The following NEXMIF variants were observed in gnomAD, a reference collection of about 807,000 sequenced individuals.
NEXMIF encodes the protein neurite extension and migration factor.
Under a neutral mutation model 62.1 loss-of-function variants are expected in NEXMIF, and 8 were observed. The observed-to-expected ratio is 0.13, with a 90% CI of 0.08 to 0.23. The LOEUF is 0.23. NEXMIF is among the 10% of genes least tolerant of loss of function. NEXMIF has a pLI of 1.00. For missense variants in NEXMIF, 976 were observed against 1,113.3 expected (o/e 0.88, Z 1.75); for synonymous variants, 404 against 416.6 (o/e 0.97, Z 0.37).
At chrX:74,790,923 C>T (rs1464159031) in intron 1 of NEXMIF, among the ~76,000 whole-genome samples, 1 of 110,342 alleles carries the variant, frequency 9.1e-6, no homozygotes, top group Admixed American at 9.7e-5. Context: ...CGTCTGCAAA[C>T]AGGGACAATT....
intron 1 of NEXMIF, among the ~76,000 whole-genome samples, chrX:74,892,242 A>C (rs1039192684): frequency 8.9e-6 from 1 of 112,391 alleles, no homozygotes; most frequent in African/African-American, 3.2e-5. Flanking sequence ...GATGGAAAGA[A>C]ATCAATTTCT....
At chrX:74,880,141 G>A (rs138449077) in intron 1 of NEXMIF, among the ~76,000 whole-genome samples, 48 of 112,078 alleles carry the variant, frequency 4.3e-4, no homozygotes, top group African/African-American at 1.5e-3. Flanking sequence ...TAGTTTTTAT[G>A]TAAGTCACTC....
intron 1 of NEXMIF, among the ~76,000 whole-genome samples, chrX:74,872,610 C>G (rs1019031843): frequency 9.2e-6 from 1 of 108,681 alleles, no homozygotes; most frequent in Admixed American, 9.9e-5. Context: ...TTATGTTTTA[C>G]TACAGTCACA....
intron 1 of NEXMIF, among the ~76,000 whole-genome samples, chrX:74,827,330 TC>T (rs1465736963): frequency 3.6e-5 from 4 of 111,983 alleles, no homozygotes; most frequent in Non-Finnish European, 5.6e-5. Flanking sequence ...GTACAGTCAG[TC>T]CTGATTTCCA....
chrX:74,893,582 G>T (rs772519608), intron 1 of NEXMIF, among the ~76,000 whole-genome samples: 2 of 112,247 alleles, frequency 1.8e-5, no homozygotes, highest in South Asian at 7.4e-4. Flanking sequence ...AGAGAAAGAA[G>T]AGATAAAAGA....
rs141231650 is a variant in NEXMIF, at chrX:74,881,520, T to C, written c.-48+43363A>G. Among the ~76,000 whole-genome samples the C allele has an allele frequency of 3.7e-4, 35 of 94,893 alleles. 1 individual carries two copies. Among genetic ancestry groups the C allele is most frequent in the African/African-American group, 1.4e-3 (33 of 22,803 alleles). 82.4% of individuals were successfully genotyped at this position (94,893 alleles called of 115,157 possible). ...AACCAGTGTTTCTCAATCCAGGTAC[T>C]GTTGACATCTTGGGTCAGGTACTTC... is the stretch of plus-strand genomic sequence containing the variant. On this transcript the variant is annotated intron_variant, in intron 1 of 3. Coordinates refer to ENST00000055682, the MANE Select transcript of NEXMIF (RefSeq NM_001008537.3).
rs2080080901 is a variant in NEXMIF at position 74,734,752 on chromosome X, CAAGAGT to C, written c.*4647_*4652del. 8.9e-6 allele frequency: 1 copy of C among 111,989 alleles called. No homozygotes were observed. Among genetic ancestry groups the C allele is most frequent in the African/African-American group, 3.3e-5 (1 of 30,709 alleles). 9.2% of individuals were successfully genotyped at this position (111,989 alleles called of 1,213,427 possible). ...TACCTCTTAGTTACGATTCTGAAAC[CAAGAGT>C]ACATCTCAAGTATGTAGCTGCAATG... On this transcript the variant is annotated 3_prime_UTR_variant, in exon 4 of 4. Coordinates refer to ENST00000055682, the MANE Select transcript of NEXMIF (RefSeq NM_001008537.3).
At chrX:74,789,807 C>G (rs1410361089) in intron 1 of NEXMIF, among the ~76,000 whole-genome samples, 3 of 108,223 alleles carry the variant, frequency 2.8e-5, no homozygotes, top group African/African-American at 1.0e-4. Flanking sequence ...CCTTCGCCCA[C>G]TTTTTGATGG....
At chrX:74,889,728 A>G (rs923540803) in intron 1 of NEXMIF, among the ~76,000 whole-genome samples, 18 of 77,324 alleles carry the variant, frequency 2.3e-4, no homozygotes, top group African/African-American at 8.2e-4. Context: ...AGTGATAAAA[A>G]TTCATTAAAG....
chrX:74,907,396 A>C (rs1484024494), intron 1 of NEXMIF, among the ~76,000 whole-genome samples: 1 of 97,321 alleles, frequency 1.0e-5, no homozygotes, highest in East Asian at 2.9e-4. Context: ...AGCTAAGGGA[A>C]GGGATCATGG....
At chrX:74,808,983 T>C (rs779001463) in intron 1 of NEXMIF, among the ~76,000 whole-genome samples, 4 of 111,907 alleles carry the variant, frequency 3.6e-5, no homozygotes, top group South Asian at 3.8e-4. Context: ...GTTTTGGTCA[T>C]TGGGGCTCTA....
At chrX:74,781,863 T>C (rs1194332885) in intron 1 of NEXMIF, among the ~76,000 whole-genome samples, 2 of 112,136 alleles carry the variant, frequency 1.8e-5, no homozygotes, top group African/African-American at 6.5e-5. Flanking sequence ...ATACTAAGAT[T>C]TTCCCTTTTA....
In NEXMIF at chrX:74,920,125, T is replaced by C. The variant is rs1388433420; in HGVS notation, c.-48+4758A>G. Among the ~76,000 whole-genome samples, 279 of 111,433 alleles carry C rather than the reference T, an allele frequency of 2.5e-3. 2 individuals are homozygous for C. The highest frequency in any genetic ancestry group is 4.6e-3 in the Middle Eastern group (1 of 217). ...CTTTATAGCAGCATGATTTATAGTC[T>C]TTTGGGTATATACCCAGTAATGGGA... On this transcript the variant is annotated intron_variant, in intron 1 of 3. Transcript: ENST00000055682.
chrX:74,905,044 T>A (rs2080762734), intron 1 of NEXMIF, among the ~76,000 whole-genome samples: 1 of 111,479 alleles, frequency 9.0e-6, no homozygotes, highest in Non-Finnish European at 1.9e-5. Flanking sequence ...TTTCCTGTAA[T>A]GTGGTTACAT....
At chrX:74,792,810 T>A (rs1471580941) in intron 1 of NEXMIF, among the ~76,000 whole-genome samples, 1 of 85,148 alleles carries the variant, frequency 1.2e-5, no homozygotes, top group African/African-American at 4.4e-5. Context: ...CTGCCTTTTT[T>A]TGTTTTCCAT....
chrX:74,803,571 A>AAAAT (rs750643080), intron 1 of NEXMIF, among the ~76,000 whole-genome samples: 3,059 of 108,786 alleles, frequency 0.028, 53 homozygotes, highest in Non-Finnish European at 0.04. Context: ...CTGTCTCAAA[A>AAAAT]AAATAAATAA....
At chrX:74,794,752 G>A (rs984440325) in intron 1 of NEXMIF, among the ~76,000 whole-genome samples, 6 of 111,401 alleles carry the variant, frequency 5.4e-5, no homozygotes, top group South Asian at 7.6e-4. Flanking sequence ...GGTGCCGTCC[G>A]TCACCCCTTT....
chrX:74,822,964 C>T (rs2080402160), intron 1 of NEXMIF, among the ~76,000 whole-genome samples: 1 of 111,746 alleles, frequency 8.9e-6, no homozygotes, highest in Non-Finnish European at 1.9e-5. Flanking sequence ...ATGTTCCTCA[C>T]ATTATGAATA....
At chrX:74,767,886 C>T (rs1569339976) in intron 1 of NEXMIF, among the ~76,000 whole-genome samples, 1 of 112,133 alleles carries the variant, frequency 8.9e-6, no homozygotes, top group African/African-American at 3.2e-5. Flanking sequence ...GGGTCTTATC[C>T]TGCAAGGTTC....
Sources: gnomAD v4.1 joint callset for allele counts (sites outside exome capture counted in the v4.1 genomes callset) on GRCh38, gnomAD v4.1.1 for gene constraint, MANE v1.5 for transcripts, NCBI Gene and HGNC (gene_info 2026-07-23, HGNC 2026-07-21) for gene names.